The following NCAPG variants were observed in gnomAD, a reference collection of about 807,000 sequenced individuals.
The protein encoded by NCAPG is non-SMC condensin I complex subunit G.
NCAPG carries 69 observed loss-of-function variants against 113.1 expected under a neutral mutation model. That is an observed-to-expected ratio of 0.61 (90% CI 0.50 to 0.75). The LOEUF is 0.75. NCAPG is among the 30% of genes least tolerant of loss of function. The pLI is 0.00. For synonymous variants in NCAPG, 370 were observed against 415.8 expected, an observed-to-expected ratio of 0.89 and a Z score of 1.34; for missense variants, 1,058 against 1,177.0, an observed-to-expected ratio of 0.90 and a Z score of 1.48.
chr4:17,823,630 G>T lies in NCAPG; in HGVS notation c.1260-17G>T, dbSNP rs755615718. On this transcript the variant is annotated splice_polypyrimidine_tract_variant and intron_variant, in intron 8 of 20. Transcript: ENST00000251496. ...TTTTGTCATAATAATATTTAAATTAGTTCTTTTTGACTGCAGAAAAAAACT... is the reference window on the plus strand; with the variant it reads ...TTTTGTCATAATAATATTTAAATTATTTCTTTTTGACTGCAGAAAAAAACT... 1 of 1,596,726 alleles carries T rather than the reference G, an allele frequency of 6.3e-7. No homozygotes were observed. Among genetic ancestry groups the T allele is most frequent in the Non-Finnish European group, 8.5e-7 (1 of 1,169,928 alleles).
chr4:17,816,064 A>AT (rs201107828), intron 5 of NCAPG, among the ~76,000 whole-genome samples: 2,706 of 143,000 alleles, frequency 0.019, 20 homozygotes, highest in Middle Eastern at 0.067. Flanking sequence ...TAATTTTCTT[A>AT]TTTTTTTTTT....
intron 2 of NCAPG, among the ~76,000 whole-genome samples, chr4:17,812,697 A>G (rs1012904257): frequency 2.0e-5 from 3 of 152,326 alleles, no homozygotes; most frequent in Admixed American, 6.5e-5. Flanking sequence ...AAAGAGGACT[A>G]TGTAACTTAG....
chr4:17,834,500 C>T lies in NCAPG; in HGVS notation c.2086C>T (p.Leu696Phe). The T allele has an allele frequency of 1.9e-6, 3 of 1,590,922 alleles. No individual in the cohort carries two copies. Among genetic ancestry groups the T allele is most frequent in the Non-Finnish European group, 2.6e-6 (3 of 1,169,294 alleles). Reference sequence around the variant, plus strand: ...TACAGCTAAGAATGTTCTGAAACTCCTTTCTGATTTCTTAGATAGTGAGGT... The same window carrying T: ...TACAGCTAAGAATGTTCTGAAACTCTTTTCTGATTTCTTAGATAGTGAGGT... ...TATAKNVLKL[L>F]SDFLDSEVSE... is the part of the protein sequence containing the mutation. Residue 696 changes from leucine to phenylalanine, a missense_variant, in exon 14 of 21, where the codon CTT becomes TTT. Transcript: ENST00000251496.
Position 17,843,572 on chromosome 4 carries a change from T to A in NCAPG, c.*147T>A. ...GCTTCCACGTTACTTTGGCCTGTAT[T>A]AAAGCAGTAGAGCAGCATCAGTTAT... is the stretch of plus-strand genomic sequence containing the variant. On this transcript the variant is annotated 3_prime_UTR_variant, in exon 21 of 21. Coordinates refer to ENST00000251496, the MANE Select transcript of NCAPG (RefSeq NM_022346.5). 1.3e-6 allele frequency: 1 copy of A among 799,048 alleles called. No individual in the cohort carries two copies. The highest frequency in any genetic ancestry group is 2.0e-6 in the Non-Finnish European group (1 of 508,332). 49.5% of individuals were successfully genotyped at this position (799,048 alleles called of 1,614,324 possible).
rs1722710164 is a variant in NCAPG at position 17,844,281 on chromosome 4, G to C, written c.*856G>C. The C allele has an allele frequency of 6.6e-6, 1 of 152,284 alleles. No homozygotes were observed. Among genetic ancestry groups the C allele is most frequent in the South Asian group, 2.1e-4 (1 of 4,822 alleles). 9.4% of individuals were successfully genotyped at this position (152,284 alleles called of 1,614,324 possible). A position where few individuals can be genotyped will look rare whatever the true frequency, so the allele number is the denominator to read the frequency against. ...ACACTTGGCCTGACTTACGAAACTTGTACTATATGAAATTGGTCCTCTTTT... is the reference window on the plus strand; with the variant it reads ...ACACTTGGCCTGACTTACGAAACTTCTACTATATGAAATTGGTCCTCTTTT... On this transcript the variant is annotated 3_prime_UTR_variant, in exon 21 of 21. Coordinates refer to ENST00000251496, the MANE Select transcript of NCAPG (RefSeq NM_022346.5).
chr4:17,822,590 A>T (rs1470900056), intron 7 of NCAPG, among the ~76,000 whole-genome samples: 1 of 152,164 alleles, frequency 6.6e-6, no homozygotes, highest in Admixed American at 6.5e-5. Flanking sequence ...AAGTCAAATG[A>T]GTTTAATTCT....
chr4:17,830,170 TGGCTTGAG>T (rs1379194189), intron 12 of NCAPG, among the ~76,000 whole-genome samples: 14 of 152,202 alleles, frequency 9.2e-5, no homozygotes, highest in African/African-American at 3.1e-4. Flanking sequence ...CAAGGCGGGA[TGGCTTGAG>T]CTCAGGAGTT....
rs1720913455 is a variant in NCAPG, at chr4:17,811,172, G to A, written c.95G>A (p.Ser32Asn). The change falls in exon 1 of 21, where the codon AGC becomes AAC. Residue 32 changes from serine to asparagine, a missense_variant. Ser to Asn is a conservative substitution (Grantham distance 46). Transcript: ENST00000251496. This position sits in a 1 kb window ranked among gnomAD's most constrained non-coding sequence, Gnocchi z 5.3. ...QNQAKLVVAL[S>N]RTYRTMDDKT... ...CAGGCGAAGCTGGTGGTGGCGCTGA[G>A]CCGCACCTACCGCACGGTAAGCGCT... 2.0e-6 allele frequency: 3 copies of A among 1,496,230 alleles called. No homozygotes were observed. Among genetic ancestry groups the A allele is most frequent in the South Asian group, 1.3e-5 (1 of 79,602 alleles). The allele number at this position is 1,496,230 out of a possible 1,614,324, so 92.7% of individuals were successfully genotyped here.
intron 8 of NCAPG, 59 bp downstream of exon 8, chr4:17,823,182 A>G (rs180723568): frequency 3.4e-6 from 5 of 1,486,262 alleles, no homozygotes; most frequent in African/African-American, 1.4e-5. Flanking sequence ...ATATTGAAAT[A>G]TAGTCCTTTT....
At chr4:17,831,687 T>G (rs11931478) in intron 13 of NCAPG, among the ~76,000 whole-genome samples, 3,239 of 152,016 alleles carry the variant, frequency 0.021, 105 homozygotes, top group African/African-American at 0.069. Flanking sequence ...GGCACTGGGG[T>G]GTAGGACTTT....
chr4:17,819,649 C>T (rs902798548), intron 7 of NCAPG, among the ~76,000 whole-genome samples: 6 of 152,200 alleles, frequency 3.9e-5, no homozygotes, highest in African/African-American at 1.4e-4. Context: ...ATCTGCCTGC[C>T]TTGGCCTCCC....
rs1722637092 is a variant in NCAPG, at chr4:17,843,559, C to CTT, written c.*136_*137dup. Reference sequence around the variant, plus strand: ...TTTTCTGCTGTGCGCTTCCACGTTACTTTGGCCTGTATTAAAGCAGTAGAG... The same window carrying CTT: ...TTTTCTGCTGTGCGCTTCCACGTTACTTTTTGGCCTGTATTAAAGCAGTAGAG... On this transcript the variant is annotated 3_prime_UTR_variant, in exon 21 of 21. Coordinates refer to ENST00000251496, the MANE Select transcript of NCAPG (RefSeq NM_022346.5). 1 of 984,992 alleles carries CTT rather than the reference C, an allele frequency of 1.0e-6. No individual in the cohort carries two copies. Among genetic ancestry groups the CTT allele is most frequent in the Non-Finnish European group, 1.5e-6 (1 of 665,990 alleles). 61.0% of individuals were successfully genotyped at this position (984,992 alleles called of 1,614,324 possible). A position where few individuals can be genotyped will look rare whatever the true frequency, so the allele number is the denominator to read the frequency against.
chr4:17,837,715 G>A lies in NCAPG; in HGVS notation c.2380G>A (p.Asp794Asn). The A allele has an allele frequency of 1.2e-6, 2 of 1,613,984 alleles. No homozygotes were observed. Among genetic ancestry groups the A allele is most frequent in the Non-Finnish European group, 1.7e-6 (2 of 1,179,906 alleles). ...APASSPLAEI[D>N]ITNVAELLVD... Reference sequence around the variant, plus strand: ...TGCATCTTCTCCTTTAGCTGAAATTGATATCACAAATGTTGCTGAGTTACT... The same window carrying A: ...TGCATCTTCTCCTTTAGCTGAAATTAATATCACAAATGTTGCTGAGTTACT... Residue 794 changes from aspartate to asparagine, a missense_variant, in exon 16 of 21, where the codon GAT becomes AAT. By Grantham distance (23) the Asp-to-Asn change is conservative. Coordinates refer to ENST00000251496, the MANE Select transcript of NCAPG (RefSeq NM_022346.5).
intron 12 of NCAPG, among the ~76,000 whole-genome samples, chr4:17,830,115 T>C (rs1013813644): frequency 6.6e-6 from 1 of 151,872 alleles, no homozygotes; most frequent in Admixed American, 6.6e-5. Flanking sequence ...ATGTTGGGGG[T>C]TGGGCGTGGT....
At chr4:17,832,743 C>A (rs927118744) in intron 13 of NCAPG, among the ~76,000 whole-genome samples, 5 of 151,738 alleles carry the variant, frequency 3.3e-5, no homozygotes, top group African/African-American at 1.2e-4. Flanking sequence ...TTTATAGGAC[C>A]CTAAGCCTCA....
chr4:17,840,339 A>G, intron 18 of NCAPG, 130 bp downstream of exon 18: 1 of 987,144 alleles, frequency 1.0e-6, no homozygotes, highest in Non-Finnish European at 1.4e-6. Context: ...TTTTCTAATT[A>G]ATCCTCTTGG....
chr4:17,827,002 A>G (rs1173706479), intron 11 of NCAPG, among the ~76,000 whole-genome samples: 1 of 152,184 alleles, frequency 6.6e-6, no homozygotes, highest in Non-Finnish European at 1.5e-5. Flanking sequence ...ACAGATAGTA[A>G]ATGGTGGAGG....
chr4:17,830,892 C>T, intron 12 of NCAPG, 105 bp from the exon 13 acceptor site: 3 of 1,188,902 alleles, frequency 2.5e-6, no homozygotes, highest in Non-Finnish European at 3.5e-6. Context: ...CAATTTAATA[C>T]TTACCTTTTC....
intron 19 of NCAPG, chr4:17,841,247 A>G (rs1722372276): frequency 6.6e-6 from 1 of 152,014 alleles, no homozygotes; most frequent in Admixed American, 6.6e-5. Context: ...ATGCATGCTT[A>G]TTACAGAAGA....
Sources: allele counts gnomAD v4.1 joint callset (sites outside exome capture counted in the v4.1 genomes callset), GRCh38; gene constraint gnomAD v4.1.1; non-coding constraint Gnocchi (gnomAD v3.1); transcripts MANE v1.5; gene names NCBI Gene and HGNC (gene_info 2026-07-23, HGNC 2026-07-21).